Variants in NRIP1 observed in about 807,000 individuals in gnomAD.
The protein encoded by NRIP1 is nuclear receptor-interacting protein 1.
In NRIP1, 28 loss-of-function variants were observed where a neutral mutation model predicts 75.0. The ratio of observed to expected loss-of-function variants is 0.37; its 90% CI spans 0.28 to 0.51. NRIP1 has a LOEUF of 0.51. Ranked by LOEUF, NRIP1 falls within the 20% of genes least tolerant of loss-of-function variation. The probability of loss-of-function intolerance (pLI) is 0.92; values close to 1 mark genes in which losing one functional copy is unlikely to be tolerated. For synonymous variants in NRIP1, 526 were observed against 487.6 expected (o/e 1.08, Z -1.04); for missense variants, 1,435 against 1,343.7 (o/e 1.07, Z -1.06).
intron 2 of NRIP1, among the ~76,000 whole-genome samples, chr21:15,018,673 T>C (rs187750031): frequency 2.8e-4 from 43 of 152,294 alleles, no homozygotes; most frequent in African/African-American, 9.1e-4. Flanking sequence ...AATTTGTTTT[T>C]TAATGTGTTA....
At chr21:15,024,615 A>G (rs902617674) in intron 2 of NRIP1, among the ~76,000 whole-genome samples, 5 of 144,884 alleles carry the variant, frequency 3.5e-5, no homozygotes, top group African/African-American at 1.4e-4. Context: ...TGTGTGTCCT[A>G]TAACATTTTA....
At chr21:15,010,793 A>G (rs1170332200) in intron 3 of NRIP1, among the ~76,000 whole-genome samples, 1 of 152,198 alleles carries the variant, frequency 6.6e-6, no homozygotes, top group Non-Finnish European at 1.5e-5. Context: ...ATGAGAAATG[A>G]TAAGACTCTG....
intron 1 of NRIP1, chr21:15,052,132 C>T (rs1215625722): frequency 2.6e-5 from 4 of 152,132 alleles, no homozygotes; most frequent in Non-Finnish European, 5.9e-5. Context: ...AAAGTAAAAC[C>T]TCACTTTCGA....
chr21:15,041,658 T>C (rs544573349), intron 2 of NRIP1, among the ~76,000 whole-genome samples: 1 of 152,280 alleles, frequency 6.6e-6, no homozygotes, highest in East Asian at 1.9e-4. Flanking sequence ...TCAACTCTAT[T>C]GAAACATACC....
chr21:15,040,226 C>G (rs1224824068), intron 2 of NRIP1, among the ~76,000 whole-genome samples: 1 of 151,992 alleles, frequency 6.6e-6, no homozygotes, highest in Non-Finnish European at 1.5e-5. Flanking sequence ...TGCAAAATAT[C>G]TCATAATTTT....
chr21:15,024,320 A>G (rs1433377547), intron 2 of NRIP1, among the ~76,000 whole-genome samples: 7 of 152,176 alleles, frequency 4.6e-5, no homozygotes, highest in Non-Finnish European at 1.0e-4. Flanking sequence ...AGGTGGGTGG[A>G]TCATTTGAGG....
intron 3 of NRIP1, among the ~76,000 whole-genome samples, chr21:15,005,632 C>G (rs2087950535): frequency 6.6e-6 from 1 of 152,124 alleles, no homozygotes; most frequent in Non-Finnish European, 1.5e-5. Context: ...GTTTTCCGAA[C>G]TAATCTGGGC....
chr21:15,060,127 A>C (rs532558406), intron 1 of NRIP1, among the ~76,000 whole-genome samples: 2 of 152,254 alleles, frequency 1.3e-5, no homozygotes, highest in South Asian at 4.1e-4. Flanking sequence ...ATGTACCATA[A>C]CAGTGAGAAA....
intron 3 of NRIP1, chr21:14,974,387 A>C (rs1364683100): frequency 6.6e-6 from 1 of 152,202 alleles, no homozygotes; most frequent in Admixed American, 6.5e-5. Context: ...TACTTTTGAT[A>C]ATTTTAATAG....
intron 1 of NRIP1, among the ~76,000 whole-genome samples, chr21:15,055,575 C>G (rs1351037764): frequency 6.6e-6 from 1 of 152,194 alleles, no homozygotes; most frequent in African/African-American, 2.4e-5. Flanking sequence ...GTCTCAAGAC[C>G]CAGTTCTTAT....
At chr21:15,032,497 T>TAAA (rs35637698) in intron 2 of NRIP1, among the ~76,000 whole-genome samples, 2 of 145,744 alleles carry the variant, frequency 1.4e-5, no homozygotes, top group African/African-American at 2.5e-5. Context: ...ATGATGGCTC[T>TAAA]AAAAAAAAAA....
At chr21:15,065,600 G>A (rs1210825875), upstream of NRIP1, 2 of 151,974 alleles carry the variant, frequency 1.3e-5, no homozygotes, top group Non-Finnish European at 2.9e-5. Context: ...TGTAATCTGT[G>A]TGTCCTGCTT....
chr21:14,970,604 G>C (rs1568945096), intron 3 of NRIP1, among the ~76,000 whole-genome samples: 1 of 124,180 alleles, frequency 8.1e-6, no homozygotes, highest in Non-Finnish European at 1.7e-5. Context: ...AACTAGTTAA[G>C]ACATTTAACA....
chr21:15,043,906 C>A (rs1271313221), intron 1 of NRIP1, among the ~76,000 whole-genome samples: 1 of 152,130 alleles, frequency 6.6e-6, no homozygotes, highest in Non-Finnish European at 1.5e-5. Context: ...GCAACCTCCG[C>A]CTTCCAGGTC....
intron 3 of NRIP1, among the ~76,000 whole-genome samples, chr21:15,009,700 C>G (rs753644605): frequency 1.3e-5 from 2 of 152,026 alleles, no homozygotes; most frequent in Non-Finnish European, 2.9e-5. Flanking sequence ...TAATCACCTC[C>G]AAGAATAAAA....
In NRIP1 at chr21:15,045,701, T is replaced by C. The variant is rs543448472; in HGVS notation, c.-537-2127A>G. ...CTCTGTAGCATGTAATGCTGTTTGA[T>C]AGCATTTTACCCACAGTAGAATATC... On this transcript the variant is annotated intron_variant, in intron 1 of 3. Transcript: ENST00000318948. Among the ~76,000 whole-genome samples, 30 of 152,376 alleles carry C rather than the reference T, an allele frequency of 2.0e-4. No homozygotes were observed. In the South Asian group the frequency reaches 4.3e-3, roughly 22 times the overall value.
intron 3 of NRIP1, among the ~76,000 whole-genome samples, chr21:14,979,745 A>G (rs889843787): frequency 2.0e-5 from 3 of 151,884 alleles, no homozygotes; most frequent in Non-Finnish European, 4.4e-5. Context: ...TGAACTCCTG[A>G]CCTCGTGATC....
chr21:15,010,974 C>T (rs971457089), intron 3 of NRIP1, among the ~76,000 whole-genome samples: 3 of 152,202 alleles, frequency 2.0e-5, no homozygotes, highest in Non-Finnish European at 4.4e-5. Context: ...TTAATTCCAA[C>T]TAGGACAACT....
rs1007267047 is a variant in NRIP1 at position 15,012,753 on chromosome 21, C to CT, written c.-335+1590dup. On this transcript the variant is annotated intron_variant, in intron 3 of 3. Coordinates refer to ENST00000318948, the MANE Select transcript of NRIP1 (RefSeq NM_003489.4). ...GGTGTGAGACACCATGCCTGGCTGT[C>CT]TTTTTTTTTAATCTGGAAGAAAAAT... 1.5e-4 allele frequency among the ~76,000 whole-genome samples: 22 copies of CT among 150,966 alleles called. No individual in the cohort carries two copies. In the East Asian group the frequency reaches 1.6e-3, roughly 11 times the overall value.
Sources: gnomAD v4.1 joint callset for allele counts (sites outside exome capture counted in the v4.1 genomes callset) on GRCh38, gnomAD v4.1.1 for gene constraint, MANE v1.5 for transcripts, NCBI Gene and HGNC (gene_info 2026-07-23, HGNC 2026-07-21) for gene names.